IGF2R: variants seen among roughly 807,000 people sequenced by gnomAD.
IGF2R encodes the protein insulin like growth factor 2 receptor.
IGF2R carries 91 observed loss-of-function variants against 270.6 expected under a neutral mutation model. The observed-to-expected ratio is 0.34, with a 90% confidence interval of 0.28 to 0.40. The LOEUF is 0.40. Ranked by LOEUF, IGF2R falls within the 10% of genes least tolerant of loss-of-function variation. IGF2R has a pLI of 1.00. For synonymous variants in IGF2R, 1,316 were observed against 1,258.9 expected (o/e 1.05, Z -0.96); for missense variants, 2,805 against 3,188.3 (o/e 0.88, Z 2.90).
At chr6:160,104,391 G>A (rs987268006) in intron 47 of IGF2R, among the ~76,000 whole-genome samples, 3 of 151,708 alleles carry the variant, frequency 2.0e-5, no homozygotes, top group East Asian at 1.9e-4. Flanking sequence ...CATCCCGAAC[G>A]CCTTCTGCTT....
At chr6:159,969,678 G>A (rs1208095378) in intron 1 of IGF2R, among the ~76,000 whole-genome samples, 2 of 152,138 alleles carry the variant, frequency 1.3e-5, no homozygotes, top group Non-Finnish European at 2.9e-5. Context: ...GGCTTTGTGC[G>A]GAGCGGTCGC....
chr6:160,104,090 CAAAA>C (rs1444331902), intron 47 of IGF2R, among the ~76,000 whole-genome samples: 9 of 150,072 alleles, frequency 6.0e-5, no homozygotes, highest in South Asian at 4.2e-4. Flanking sequence ...AAAAAAAAAA[CAAAA>C]CACACACACA....
chr6:160,080,895 A>T (rs1377680559), intron 39 of IGF2R, among the ~76,000 whole-genome samples: 2 of 151,734 alleles, frequency 1.3e-5, no homozygotes, highest in Non-Finnish European at 2.9e-5. Flanking sequence ...AGGCGGGTGG[A>T]TCACGAGGTC....
chr6:160,071,914 C>T lies in IGF2R; in HGVS notation c.4448C>T (p.Ser1483Phe), dbSNP rs777746756. ...CCTGTCTGTGCTTTGTTGTAGAACTCCAGGCCCATGTTCATCAGCGCCGTG... is the reference window on the plus strand; with the variant it reads ...CCTGTCTGTGCTTTGTTGTAGAACTTCAGGCCCATGTTCATCAGCGCCGTG... ...RFTCSESQVN[S>F]RPMFISAVED... Residue 1483 changes from serine to phenylalanine, a missense_variant, in exon 32 of 48, where the codon TCC becomes TTC. Coordinates refer to ENST00000356956, the MANE Select transcript of IGF2R (RefSeq NM_000876.4). 52 of 1,614,016 alleles carry T rather than the reference C, an allele frequency of 3.2e-5. No homozygotes were observed. The highest frequency in any genetic ancestry group is 4.0e-5 in the African/African-American group (3 of 74,914).
At chr6:160,074,183 T>A (rs554220446) in intron 35 of IGF2R, 1 of 573,618 alleles carries the variant, frequency 1.7e-6, no homozygotes, top group South Asian at 2.0e-5. Flanking sequence ...CAGCCAGTCT[T>A]TGAGCATGGG....
At chr6:160,067,718 C>T (rs1778615276) in intron 29 of IGF2R, among the ~76,000 whole-genome samples, 1 of 152,200 alleles carries the variant, frequency 6.6e-6, no homozygotes, top group South Asian at 2.1e-4. Flanking sequence ...TTCCCAGTTA[C>T]TGTCTGTATT....
chr6:160,093,591 T>A, intron 44 of IGF2R: 2 of 680,680 alleles, frequency 2.9e-6, no homozygotes, highest in Non-Finnish European at 5.5e-6. Context: ...ATCAACCCAG[T>A]GGGGGACTGG....
intron 36 of IGF2R, among the ~76,000 whole-genome samples, chr6:160,076,202 A>T (rs1778852259): frequency 6.6e-6 from 1 of 152,284 alleles, no homozygotes; most frequent in Non-Finnish European, 1.5e-5. Context: ...AGCATATAGA[A>T]ACTTGCTGTA....
intron 44 of IGF2R, among the ~76,000 whole-genome samples, chr6:160,091,847 C>T (rs1286213147): frequency 3.3e-5 from 5 of 152,216 alleles, no homozygotes; most frequent in Admixed American, 1.3e-4. Context: ...CTCTCTCTGA[C>T]ACAGCTTGAA....
At chr6:160,020,883 G>A (rs1487016696) in intron 4 of IGF2R, among the ~76,000 whole-genome samples, 1 of 152,258 alleles carries the variant, frequency 6.6e-6, no homozygotes, top group African/African-American at 2.4e-5. Context: ...TCGGATCTTC[G>A]CCTAGGCAAA....
chr6:160,044,418 C>T, intron 12 of IGF2R, 96 bp from the exon 13 acceptor site: 1 of 1,113,304 alleles, frequency 9.0e-7, no homozygotes, highest in East Asian at 2.5e-5. Flanking sequence ...TTCTTTCTTT[C>T]TTTCTCTTTC....
At position 159,984,310 on chromosome 6, in the gene IGF2R, T is replaced by C. The variant is rs544149416; in HGVS notation, c.150-6874T>C. Among the ~76,000 whole-genome samples the C allele has an allele frequency of 1.5e-4, 23 of 152,342 alleles. No homozygotes were observed. The East Asian group carries it at 4.4e-3, about 29-fold the overall frequency. ...CCTAGTGATGCTGTAGCCATTGTAA[T>C]GTCGTAGCACAATGCATTAGTCACA... On this transcript the variant is annotated intron_variant, in intron 1 of 47. Transcript: ENST00000356956.
rs1430034818 is a variant in IGF2R, at chr6:160,043,135, T to G, written c.1481-13T>G. ...ATTGCTTTTGGCTAAAATACACTTT[T>G]GTTTTGTTACAGAACCAGAGCAGAA... On this transcript the variant is annotated splice_polypyrimidine_tract_variant and intron_variant, in intron 11 of 47. Transcript: ENST00000356956. 6 of 1,613,486 alleles carry G rather than the reference T, an allele frequency of 3.7e-6. No individual in the cohort carries two copies. In the East Asian group the frequency reaches 8.9e-5, roughly 24 times the overall value.
intron 47 of IGF2R, among the ~76,000 whole-genome samples, chr6:160,104,349 G>A (rs1051516125): frequency 2.0e-5 from 3 of 151,912 alleles, no homozygotes; most frequent in Non-Finnish European, 4.4e-5. Context: ...CAGCTGCGCT[G>A]GGGGATCACT....
At chr6:160,037,799 G>A (rs1405084788) in intron 10 of IGF2R, among the ~76,000 whole-genome samples, 1 of 152,130 alleles carries the variant, frequency 6.6e-6, no homozygotes, top group Non-Finnish European at 1.5e-5. Flanking sequence ...CTGGGGTCGG[G>A]GGTGCGGGCT....
chr6:160,110,963 C>T lies in IGF2R; in HGVS notation c.*5879C>T, dbSNP rs1779727668. ...TTGGTGAAAGGGTGCAGAGGTTCAG[C>T]TATGCAACATGAATGAATTCTGGAG... On this transcript the variant is annotated 3_prime_UTR_variant, in exon 48 of 48. Coordinates refer to ENST00000356956, the MANE Select transcript of IGF2R (RefSeq NM_000876.4). The T allele has an allele frequency of 6.6e-6, 1 of 152,218 alleles. No homozygotes were observed. The highest frequency in any genetic ancestry group is 2.4e-5 in the African/African-American group (1 of 41,454). 9.4% of individuals were successfully genotyped at this position (152,218 alleles called of 1,614,324 possible).
chr6:160,068,815 G>A (rs1778649350), intron 30 of IGF2R, among the ~76,000 whole-genome samples: 1 of 152,204 alleles, frequency 6.6e-6, no homozygotes, highest in African/African-American at 2.4e-5. Context: ...GTAGGATGGG[G>A]ATTCTTTGGA....
intron 43 of IGF2R, among the ~76,000 whole-genome samples, chr6:160,089,480 G>A (rs1168947336): frequency 3.9e-5 from 6 of 152,202 alleles, no homozygotes; most frequent in South Asian, 4.1e-4. Context: ...TAAATCCCCC[G>A]TCCTTCTCCC....
intron 4 of IGF2R, among the ~76,000 whole-genome samples, chr6:160,019,294 T>G (rs952740875): frequency 2.6e-5 from 4 of 151,954 alleles, no homozygotes; most frequent in Non-Finnish European, 4.4e-5. Context: ...ATCAGTAATT[T>G]AAGAAAAACA....
Sources: gnomAD v4.1 joint callset for allele counts (sites outside exome capture counted in the v4.1 genomes callset) on GRCh38, gnomAD v4.1.1 for gene constraint, MANE v1.5 for transcripts, NCBI Gene and HGNC (gene_info 2026-07-23, HGNC 2026-07-21) for gene names.